The following C9orf153 variants were observed in gnomAD, a reference collection of about 807,000 sequenced individuals.
The protein encoded by C9orf153 is uncharacterized protein C9orf153.
Under a neutral mutation model 9.0 loss-of-function variants are expected in C9orf153, and 10 were observed. The observed-to-expected ratio is 1.11, with a 90% CI of 0.69 to 1.89. C9orf153 has a LOEUF of 1.89. C9orf153 is among the 40% of genes most tolerant of loss of function. The pLI, the probability that C9orf153 is intolerant of heterozygous loss-of-function variation, is 0.00. For synonymous variants in C9orf153, 35 were observed against 37.3 expected (o/e 0.94, Z 0.23); for missense variants, 108 against 111.0 (o/e 0.97, Z 0.12).
At chr9:86,250,187 T>C (rs1824965195) in intron 1 of C9orf153, among the ~76,000 whole-genome samples, 1 of 152,310 alleles carries the variant, frequency 6.6e-6, no homozygotes, top group Middle Eastern at 3.4e-3. Context: ...ACTTAATGTT[T>C]TTTTCTTTTT....
intron 1 of C9orf153, among the ~76,000 whole-genome samples, chr9:86,243,190 C>T (rs1036177230): frequency 1.1e-4 from 17 of 152,210 alleles, no homozygotes; most frequent in Non-Finnish European, 7.3e-5. Flanking sequence ...CTATTGTACT[C>T]AGTCCCATGA....
chr9:86,236,418 G>A (rs928748378), intron 1 of C9orf153, among the ~76,000 whole-genome samples: 2 of 152,016 alleles, frequency 1.3e-5, no homozygotes, highest in South Asian at 2.1e-4. Context: ...GCTTAGTGGC[G>A]TGCATCTGTA....
At chr9:86,241,034 C>A (rs1002402837) in intron 1 of C9orf153, among the ~76,000 whole-genome samples, 1 of 151,800 alleles carries the variant, frequency 6.6e-6, no homozygotes, top group Non-Finnish European at 1.5e-5. Flanking sequence ...GTGCCCCTAC[C>A]CCCTCTCCCC....
chr9:86,243,828 A>C (rs988084617), intron 1 of C9orf153, among the ~76,000 whole-genome samples: 2 of 152,238 alleles, frequency 1.3e-5, no homozygotes, highest in African/African-American at 4.8e-5. Flanking sequence ...CATTTCTGAA[A>C]AGCAGGCTGC....
chr9:86,245,305 T>C (rs912012376), intron 1 of C9orf153, among the ~76,000 whole-genome samples: 7 of 152,204 alleles, frequency 4.6e-5, no homozygotes, highest in African/African-American at 1.7e-4. Context: ...CATTTGTAAG[T>C]GTAATATTCA....
intron 3 of C9orf153, among the ~76,000 whole-genome samples, chr9:86,226,748 G>GT (rs201015759): frequency 0.021 from 3,195 of 151,410 alleles, 64 homozygotes; most frequent in African/African-American, 0.04. Flanking sequence ...AAGTTTCATG[G>GT]TTTTTTGTTT....
chr9:86,225,386 C>T (rs1291406454), intron 3 of C9orf153, among the ~76,000 whole-genome samples: 8 of 145,772 alleles, frequency 5.5e-5, no homozygotes, highest in East Asian at 4.0e-4. Context: ...TTCTTTCTTT[C>T]GTTTCTTTCT....
intron 1 of C9orf153, among the ~76,000 whole-genome samples, chr9:86,240,708 T>TTTC (rs1491113241): frequency 0.33 from 733 of 2,236 alleles, 7 homozygotes; most frequent in East Asian, 0.5. Context: ...TTTCTTTTTC[T>TTTC]TTTTTTTTTT....
At chr9:86,257,188 GCTCT>G (rs1330974433) in intron 1 of C9orf153, among the ~76,000 whole-genome samples, 1 of 152,096 alleles carries the variant, frequency 6.6e-6, no homozygotes, top group Non-Finnish European at 1.5e-5. Flanking sequence ...GCTCAAATAA[GCTCT>G]CTACTTATAT....
rs72315837 is a variant in C9orf153 at position 86,225,411 on chromosome 9, C to CTCCT, written c.242+2440_242+2443dup. ...CGTTTCTTTCTTTCTCTCTCTCTCT[C>CTCCT]TCCTTCCTTCCTTCCTTCCTTCCTT... On this transcript the variant is annotated intron_variant, in intron 3 of 3. Transcript: ENST00000339137. Among the ~76,000 whole-genome samples, 222 of 132,168 alleles carry CTCCT rather than the reference C, an allele frequency of 1.7e-3. 1 individual carries two copies. Among genetic ancestry groups the CTCCT allele is most frequent in the Non-Finnish European group, 2.9e-3 (182 of 62,664 alleles). The allele number at this position is 132,168 out of a possible 152,430, so 86.7% of individuals were successfully genotyped here.
intron 1 of C9orf153, among the ~76,000 whole-genome samples, chr9:86,242,880 T>C (rs761560949): frequency 1.8e-4 from 27 of 152,164 alleles, no homozygotes; most frequent in Non-Finnish European, 2.9e-4. Flanking sequence ...GGTTTCACCA[T>C]GTTGTCCAGG....
At chr9:86,223,605 C>G (rs942521035) in intron 3 of C9orf153, among the ~76,000 whole-genome samples, 1 of 152,160 alleles carries the variant, frequency 6.6e-6, no homozygotes, top group African/African-American at 2.4e-5. Flanking sequence ...ATTCACCAGC[C>G]TTCCCTACAG....
intron 2 of C9orf153, among the ~76,000 whole-genome samples, chr9:86,229,260 G>GAAAA (rs112787729): frequency 1.4e-5 from 2 of 139,602 alleles, no homozygotes; most frequent in Admixed American, 7.2e-5. Context: ...TTTTCCTAAA[G>GAAAA]AAAAAAAAAA....
rs76121463 is a variant in C9orf153, at chr9:86,252,026, C to T, written c.-27+7524G>A. Among the ~76,000 whole-genome samples the T allele has an allele frequency of 4.2e-4, 63 of 151,230 alleles. No individual in the cohort carries two copies. The East Asian group carries it at 9.2e-3, about 22-fold the overall frequency. On this transcript the variant is annotated intron_variant, in intron 1 of 3. Coordinates refer to ENST00000339137, the MANE Select transcript of C9orf153 (RefSeq NM_001276366.4). ...TGGTCTCATGCTGTCGTTATTTGGT[C>T]TTTTTTGTTTTGTTTTGTTTTGTTT... is the stretch of plus-strand genomic sequence containing the variant.
chr9:86,236,276 C>T (rs897656874), intron 1 of C9orf153, among the ~76,000 whole-genome samples: 2 of 151,964 alleles, frequency 1.3e-5, no homozygotes, highest in African/African-American at 4.8e-5. Context: ...GAGGGCCAGG[C>T]GTGGTGTCTC....
intron 1 of C9orf153, among the ~76,000 whole-genome samples, chr9:86,236,188 TAA>T (rs1034775088): frequency 4.4e-4 from 67 of 152,232 alleles, no homozygotes; most frequent in African/African-American, 1.5e-3. Flanking sequence ...ATGAAATGGT[TAA>T]AGTGTTGAGA....
At chr9:86,246,770 G>A (rs1382018274) in intron 1 of C9orf153, among the ~76,000 whole-genome samples, 1 of 152,204 alleles carries the variant, frequency 6.6e-6, no homozygotes, top group Non-Finnish European at 1.5e-5. Flanking sequence ...CCGTCTCCAA[G>A]TGAATCCCTT....
intron 1 of C9orf153, among the ~76,000 whole-genome samples, chr9:86,237,492 A>G (rs1348763230): frequency 6.6e-6 from 1 of 152,162 alleles, no homozygotes; most frequent in Non-Finnish European, 1.5e-5. Flanking sequence ...TATGTTGCCC[A>G]GGCTGGTTTC....
chr9:86,233,844 C>T (rs1041048090), intron 1 of C9orf153, among the ~76,000 whole-genome samples: 18 of 152,236 alleles, frequency 1.2e-4, no homozygotes, highest in African/African-American at 3.9e-4. Flanking sequence ...TAGCACTTTG[C>T]GGGGCTGAGG....
Sources: gnomAD v4.1 joint callset for allele counts (sites outside exome capture counted in the v4.1 genomes callset) on GRCh38, gnomAD v4.1.1 for gene constraint, MANE v1.5 for transcripts, NCBI Gene and HGNC (gene_info 2026-07-23, HGNC 2026-07-21) for gene names.